Variants in PCDHGB3 observed in about 807,000 individuals in gnomAD.
The protein encoded by PCDHGB3 is protocadherin gamma subfamily B, 3.
Under a neutral mutation model 59.2 loss-of-function variants are expected in PCDHGB3, and 40 were observed. The ratio of observed to expected loss-of-function variants is 0.68; its 90% CI spans 0.52 to 0.88. The LOEUF is 0.88. Among genes scored for constraint, PCDHGB3 ranks in the 40% least tolerant of loss-of-function variants. PCDHGB3 has a pLI of 0.00. For synonymous variants in PCDHGB3, 581 were observed against 503.6 expected (o/e 1.15, Z -2.06); for missense variants, 1,309 against 1,187.9 (o/e 1.10, Z -1.50).
intron 1 of PCDHGB3, chr5:141,393,354 G>T: frequency 6.2e-7 from 1 of 1,613,944 alleles, no homozygotes; most frequent in African/African-American, 1.3e-5. Flanking sequence ...CTTCTCCCTG[G>T]ACGTGCAGAC....
chr5:141,394,472 G>C, intron 1 of PCDHGB3: 2 of 1,614,242 alleles, frequency 1.2e-6, no homozygotes, highest in East Asian at 2.2e-5. Flanking sequence ...TGTTCGTGCT[G>C]GACCAGAATG....
chr5:141,400,282 G>T (rs774476991), intron 1 of PCDHGB3: 2 of 1,613,974 alleles, frequency 1.2e-6, no homozygotes, highest in Non-Finnish European at 1.7e-6. Context: ...CAGCCCTGCC[G>T]CCTGGAGCTG....
chr5:141,446,188 T>G (rs566309564), intron 1 of PCDHGB3, among the ~76,000 whole-genome samples: 28 of 152,326 alleles, frequency 1.8e-4, no homozygotes, highest in African/African-American at 6.3e-4. Context: ...TTTTGTTTAT[T>G]ATTATATTCC....
intron 1 of PCDHGB3, among the ~76,000 whole-genome samples, chr5:141,386,520 G>T (rs976508801): frequency 0.014 from 2 of 142 alleles, no homozygotes; most frequent in Non-Finnish European, 0.032. Flanking sequence ...TTCAAAAAAA[G>T]ACTCTTTTTA....
chr5:141,495,973 A>C (rs2099764953), intron 2 of PCDHGB3, among the ~76,000 whole-genome samples: 1 of 146,988 alleles, frequency 6.8e-6, no homozygotes, highest in African/African-American at 2.5e-5. Context: ...TTTCTCTGTT[A>C]CTCTTTCTTT....
At position 141,511,106 on chromosome 5, in the gene PCDHGB3, G is replaced by T. The variant is rs536900646; in HGVS notation, c.2723G>T (p.Arg908Leu). ...NATLTNAAGK[R>L]DGKAPAGGNG... is the part of the protein sequence containing the mutation. Reference sequence around the variant, plus strand: ...ACACTGACCAACGCAGCTGGCAAGCGGGATGGCAAGGCCCCAGCAGGTGGC... The same window carrying T: ...ACACTGACCAACGCAGCTGGCAAGCTGGATGGCAAGGCCCCAGCAGGTGGC... Residue 908 changes from arginine to leucine, a missense_variant, in exon 4 of 4, where the codon CGG becomes CTG. Transcript: ENST00000576222. 8.7e-6 allele frequency: 14 copies of T among 1,614,196 alleles called. No individual in the cohort carries two copies. Among genetic ancestry groups the T allele is most frequent in the Non-Finnish European group, 1.2e-5 (14 of 1,180,016 alleles).
chr5:141,502,825 G>A (rs1487995525), intron 2 of PCDHGB3, among the ~76,000 whole-genome samples: 4 of 151,216 alleles, frequency 2.6e-5, no homozygotes, highest in South Asian at 2.1e-4. Flanking sequence ...TTTCCTTGGG[G>A]AAGCCTGGAC....
At position 141,476,580 on chromosome 5, in the gene PCDHGB3, C is replaced by T. The variant is rs1463314107; in HGVS notation, c.2416-18227C>T. 6 of 1,614,126 alleles carry T rather than the reference C, an allele frequency of 3.7e-6. No homozygotes were observed. Among genetic ancestry groups the T allele is most frequent in the Non-Finnish European group, 5.1e-6 (6 of 1,180,052 alleles). The stretch of plus-strand genomic sequence containing the variant: ...GCCGTGGCTCCGGGGACGCGCTTTC[C>T]GCTCGAGAGCGCGCACGATCCCGAT... On this transcript the variant is annotated intron_variant, in intron 1 of 3. Transcript: ENST00000576222. This position sits in a 1 kb window ranked among gnomAD's most constrained non-coding sequence, Gnocchi z 7.6.
intron 1 of PCDHGB3, among the ~76,000 whole-genome samples, chr5:141,381,833 T>C (rs1385600494): frequency 7.2e-5 from 10 of 138,622 alleles, no homozygotes; most frequent in African/African-American, 2.5e-4. Context: ...CTTCTTTTTT[T>C]TTTTTTTTTT....
intron 3 of PCDHGB3, among the ~76,000 whole-genome samples, chr5:141,510,227 C>T (rs1010123412): frequency 1.3e-5 from 2 of 150,454 alleles, no homozygotes; most frequent in African/African-American, 2.5e-5. Context: ...GAGCCGGGAT[C>T]GCGCCACTGC....
At chr5:141,414,280 G>A (rs1448512468) in intron 1 of PCDHGB3, 2 of 1,613,604 alleles carry the variant, frequency 1.2e-6, no homozygotes, top group Admixed American at 1.7e-5. Context: ...TCTGGGAACA[G>A]TCGTAGCCCT....
In PCDHGB3 at chr5:141,486,070, T is replaced by G; in HGVS notation, c.2416-8737T>G. The G allele has an allele frequency of 6.2e-7, 1 of 1,614,158 alleles. No individual in the cohort carries two copies. Among genetic ancestry groups the G allele is most frequent in the Non-Finnish European group, 8.5e-7 (1 of 1,180,010 alleles). On this transcript the variant is annotated intron_variant, in intron 1 of 3. Coordinates refer to ENST00000576222, the MANE Select transcript of PCDHGB3 (RefSeq NM_018924.5). This position sits in a 1 kb window ranked among gnomAD's most constrained non-coding sequence, Gnocchi z 5.0. ...ACCTCTTTAGCCTGCACCCCACTAC[T>G]GGAAAGCTTACTCTTTTGGGGCCCC...
At chr5:141,386,640 A>G (rs1313920703) in intron 1 of PCDHGB3, among the ~76,000 whole-genome samples, 2 of 151,864 alleles carry the variant, frequency 1.3e-5, no homozygotes, top group African/African-American at 4.8e-5. Flanking sequence ...CCCAGGCTGG[A>G]TACATTTTAC....
intron 1 of PCDHGB3, chr5:141,379,619 T>C (rs1045405424): frequency 6.6e-6 from 1 of 152,170 alleles, no homozygotes; most frequent in African/African-American, 2.4e-5. Context: ...TTTAAACAAA[T>C]AAAATATTTC....
At chr5:141,418,955 G>C in intron 1 of PCDHGB3, 4 of 1,614,050 alleles carry the variant, frequency 2.5e-6, no homozygotes, top group Non-Finnish European at 3.4e-6. Flanking sequence ...AGGAGTGGTT[G>C]TTGCCCTCTT....
chr5:141,469,103 C>A (rs949254605), intron 1 of PCDHGB3, among the ~76,000 whole-genome samples: 2 of 151,844 alleles, frequency 1.3e-5, no homozygotes, highest in African/African-American at 2.4e-5. Context: ...AAAGCAAGAA[C>A]CTGTCTCTAA....
chr5:141,450,846 A>C (rs2098698903), intron 1 of PCDHGB3, among the ~76,000 whole-genome samples: 1 of 115,730 alleles, frequency 8.6e-6, no homozygotes. Context: ...TTTTTTTGAG[A>C]TGGGGTCTTG....
chr5:141,451,976 A>T (rs2098729884), intron 1 of PCDHGB3, among the ~76,000 whole-genome samples: 1 of 152,164 alleles, frequency 6.6e-6, no homozygotes, highest in Non-Finnish European at 1.5e-5. Flanking sequence ...TTTTTGCTGT[A>T]GTTTGTTCAT....
chr5:141,481,736 G>A (rs569415213), intron 1 of PCDHGB3, among the ~76,000 whole-genome samples: 23 of 151,934 alleles, frequency 1.5e-4, no homozygotes, highest in African/African-American at 4.3e-4. Flanking sequence ...GGCGGATCAC[G>A]AGGTCAGGAG....
Sources: gnomAD v4.1 joint callset for allele counts (sites outside exome capture counted in the v4.1 genomes callset) on GRCh38, gnomAD v4.1.1 for gene constraint, Gnocchi (gnomAD v3.1) non-coding constraint, MANE v1.5 for transcripts, NCBI Gene and HGNC (gene_info 2026-07-23, HGNC 2026-07-21) for gene names.